The following MTFR1 variants were observed in gnomAD, a reference collection of about 807,000 sequenced individuals.
MTFR1 encodes chondrocyte protein with a poly-proline region.
In MTFR1, 28 loss-of-function variants were observed where a neutral mutation model predicts 38.8. The ratio of observed to expected loss-of-function variants is 0.72; its 90% CI spans 0.53 to 0.99. MTFR1 has a LOEUF of 0.99. Ranked by LOEUF, MTFR1 falls within the 50% of genes least tolerant of loss-of-function variation. The probability of loss-of-function intolerance (pLI) is 0.00; values close to 1 mark genes in which losing one functional copy is unlikely to be tolerated. For synonymous variants in MTFR1, 145 were observed against 137.0 expected (o/e 1.06, Z -0.41); for missense variants, 358 against 395.5 (o/e 0.91, Z 0.81).
At chr8:65,716,259 C>A (rs1415661953) in intron 2 of MTFR1, among the ~76,000 whole-genome samples, 2 of 152,016 alleles carry the variant, frequency 1.3e-5, no homozygotes, top group African/African-American at 4.8e-5. Flanking sequence ...GAGCCACACC[C>A]ACAGTTCCCC....
At chr8:65,763,527 T>C (rs1379857614) in intron 3 of MTFR1, among the ~76,000 whole-genome samples, 1 of 151,974 alleles carries the variant, frequency 6.6e-6, no homozygotes, top group Non-Finnish European at 1.5e-5. Context: ...ATCATGCCAT[T>C]GCACTACAAC....
At chr8:65,764,839 T>C (rs1700848754) in intron 3 of MTFR1, among the ~76,000 whole-genome samples, 2 of 152,234 alleles carry the variant, frequency 1.3e-5, no homozygotes. Flanking sequence ...GGGAAAATTC[T>C]GTATGCTTTC....
intron 4 of MTFR1, among the ~76,000 whole-genome samples, chr8:65,703,419 G>GTTTT (rs553260839): frequency 0.011 from 544 of 50,942 alleles, 115 homozygotes; most frequent in African/African-American, 0.022. Context: ...GATGTCTCTG[G>GTTTT]TTTTTTTTTT....
At chr8:65,724,292 C>T (rs767997971) in intron 3 of MTFR1, 1 of 1,612,806 alleles carries the variant, frequency 6.2e-7, no homozygotes, top group South Asian at 1.1e-5. Context: ...TTTCACTCCA[C>T]TGCTTGCTTA....
intron 2 of MTFR1, chr8:65,718,826 A>G (rs1322783515): frequency 6.2e-6 from 1 of 162,364 alleles, no homozygotes; most frequent in Admixed American, 5.8e-5. Flanking sequence ...ATTTGTAAAC[A>G]TTGTCTTGCC....
At chr8:65,711,362 G>GAAAC (rs1805938980), downstream of MTFR1, among the ~76,000 whole-genome samples, 1 of 151,370 alleles carries the variant, frequency 6.6e-6, no homozygotes, top group South Asian at 2.1e-4. Flanking sequence ...ATAACTAGCA[G>GAAAC]AAACAAATAC....
intron 3 of MTFR1, among the ~76,000 whole-genome samples, chr8:65,684,044 A>T (rs984180210): frequency 2.0e-5 from 3 of 152,216 alleles, no homozygotes; most frequent in Non-Finnish European, 2.9e-5. Flanking sequence ...TAGTTCCAGG[A>T]AAATGTGCTT....
chr8:65,689,804 C>T (rs1225354458), intron 3 of MTFR1, among the ~76,000 whole-genome samples: 2 of 151,880 alleles, frequency 1.3e-5, no homozygotes, highest in African/African-American at 4.9e-5. Context: ...CCTGAAACGG[C>T]CTTTTATAAA....
intron 3 of MTFR1, among the ~76,000 whole-genome samples, chr8:65,769,310 T>C (rs867508135): frequency 4.0e-5 from 6 of 150,732 alleles, no homozygotes; most frequent in Non-Finnish European, 8.9e-5. Flanking sequence ...AAAATTGTTA[T>C]GAAAGTCTGC....
At chr8:65,766,635 A>T (rs1808800239) in intron 3 of MTFR1, among the ~76,000 whole-genome samples, 1 of 152,158 alleles carries the variant, frequency 6.6e-6, no homozygotes, top group Non-Finnish European at 1.5e-5. Flanking sequence ...TCTCCCATGC[A>T]TCACCCTCTC....
At chr8:65,667,638 G>C (rs112815493) in intron 1 of MTFR1, among the ~76,000 whole-genome samples, 1 of 151,948 alleles carries the variant, frequency 6.6e-6, no homozygotes, top group African/African-American at 2.4e-5. Context: ...ATGTTGGCCA[G>C]GCTGGTCTTG....
intron 2 of MTFR1, among the ~76,000 whole-genome samples, chr8:65,677,843 C>T (rs1023702420): frequency 1.3e-5 from 2 of 151,064 alleles, no homozygotes; most frequent in Non-Finnish European, 1.5e-5. Context: ...TGGTGAAACC[C>T]CGTCTCTACT....
chr8:65,697,531 A>C (rs1210901683), intron 4 of MTFR1, among the ~76,000 whole-genome samples: 3 of 152,228 alleles, frequency 2.0e-5, no homozygotes, highest in African/African-American at 7.2e-5. Context: ...GCAGTAGTTG[A>C]TGGACATCTA....
At chr8:65,689,716 T>TAGTAAAG in intron 3 of MTFR1, 3 of 531,608 alleles carry the variant, frequency 5.6e-6, no homozygotes, top group Non-Finnish European at 8.2e-6. Flanking sequence ...GACTTGTACT[T>TAGTAAAG]TACTAAGTGC....
chr8:65,688,118 A>C (rs564249760), intron 3 of MTFR1, among the ~76,000 whole-genome samples: 1,801 of 134,546 alleles, frequency 0.013, 39 homozygotes, highest in African/African-American at 0.044. Flanking sequence ...AAAAAAAAAC[A>C]GGCCGGGCAT....
chr8:65,687,828 G>A (rs989160312), intron 3 of MTFR1, among the ~76,000 whole-genome samples: 1 of 151,992 alleles, frequency 6.6e-6, no homozygotes, highest in Admixed American at 6.6e-5. Context: ...GGCTAGGCGC[G>A]GTGGCCCACA....
intron 3 of MTFR1, among the ~76,000 whole-genome samples, chr8:65,768,973 C>G (rs541296017): frequency 6.6e-6 from 1 of 152,066 alleles, no homozygotes; most frequent in Non-Finnish European, 1.5e-5. Context: ...CATGGCCAGG[C>G]GAGGTGGCTC....
chr8:65,681,881 A>G (rs1804905280), intron 2 of MTFR1, among the ~76,000 whole-genome samples: 1 of 151,824 alleles, frequency 6.6e-6, no homozygotes, highest in Non-Finnish European at 1.5e-5. Context: ...AACATGGAGC[A>G]CCCTGCATGG....
chr8:65,744,256 A>G (rs1007108888), intron 3 of MTFR1, among the ~76,000 whole-genome samples: 1 of 152,228 alleles, frequency 6.6e-6, no homozygotes, highest in Non-Finnish European at 1.5e-5. Flanking sequence ...AACAGGCATG[A>G]AGGAACTTTT....
Sources: allele counts gnomAD v4.1 joint callset (sites outside exome capture counted in the v4.1 genomes callset), GRCh38; gene constraint gnomAD v4.1.1; transcripts MANE v1.5; gene names NCBI Gene and HGNC (gene_info 2026-07-23, HGNC 2026-07-21).